Variants in ARFGEF1 observed in about 807,000 individuals in gnomAD.
ARFGEF1 encodes brefeldin A-inhibited guanine nucleotide-exchange protein 1.
Under a neutral mutation model 231.0 loss-of-function variants are expected in ARFGEF1, and 42 were observed. The ratio of observed to expected loss-of-function variants is 0.18; its 90% CI spans 0.14 to 0.24. ARFGEF1 has a LOEUF of 0.24. Ranked by LOEUF, ARFGEF1 falls within the 10% of genes least tolerant of loss-of-function variation. The pLI, the probability that ARFGEF1 is intolerant of heterozygous loss-of-function variation, is 1.00. For synonymous variants in ARFGEF1, 710 were observed against 732.3 expected, an observed-to-expected ratio of 0.97 and a Z score of 0.49; for missense variants, 1,345 against 2,192.0, an observed-to-expected ratio of 0.61 and a Z score of 7.72.
Position 67,240,302 on chromosome 8 carries a change from A to G in ARFGEF1, c.2851-12T>C, listed in dbSNP as rs746617227. On this transcript the variant is annotated splice_polypyrimidine_tract_variant and intron_variant, in intron 19 of 38. Transcript: ENST00000262215. ...GGCGTCCAAGCCAACTACAAAAATT[A>G]AAAATTGTATTTTAATTAAAGATTA... 1 of 1,586,540 alleles carries G rather than the reference A, an allele frequency of 6.3e-7. No homozygotes were observed. Among genetic ancestry groups the G allele is most frequent in the East Asian group, 2.3e-5 (1 of 44,312 alleles).
chr8:67,303,723 A>G (rs987963792), intron 1 of ARFGEF1, among the ~76,000 whole-genome samples: 1 of 151,900 alleles, frequency 6.6e-6, no homozygotes, highest in African/African-American at 2.4e-5. Context: ...CTTAAAAAAA[A>G]AAAAAAATAA....
At chr8:67,298,106 T>G (rs933775731) in intron 4 of ARFGEF1, among the ~76,000 whole-genome samples, 2 of 62,414 alleles carry the variant, frequency 3.2e-5, no homozygotes, top group Non-Finnish European at 6.0e-5. Context: ...ATGCCCAGTA[T>G]TTTTTTTTTT....
intron 14 of ARFGEF1, among the ~76,000 whole-genome samples, chr8:67,260,952 T>C (rs1804591474): frequency 6.6e-6 from 1 of 152,222 alleles, no homozygotes; most frequent in Admixed American, 6.5e-5. Context: ...AGTCACAACA[T>C]TACCTTAAGG....
At position 67,302,474 on chromosome 8, in the gene ARFGEF1, G is replaced by GA. The variant is rs751293148; in HGVS notation, c.125-9dup. On this transcript the variant is annotated splice_polypyrimidine_tract_variant and intron_variant, in intron 1 of 38. Transcript: ENST00000262215. ...TTTCCGCTTTTATTTCCTCTGAGGG[G>GA]AAAAAAAAAGAAGCATACATTAGAA... 5.1e-4 allele frequency: 784 copies of GA among 1,523,868 alleles called. No homozygotes were observed. The highest frequency in any genetic ancestry group is 1.3e-3 in the South Asian group (97 of 77,264). 94.4% of individuals were successfully genotyped at this position (1,523,868 alleles called of 1,614,324 possible).
At chr8:67,319,923 T>C (rs1250771207) in intron 1 of ARFGEF1, among the ~76,000 whole-genome samples, 1 of 151,626 alleles carries the variant, frequency 6.6e-6, no homozygotes, top group African/African-American at 2.4e-5. Context: ...CAAATAAACA[T>C]AAAAAAAGAT....
Position 67,227,952 on chromosome 8 carries a change from T to C in ARFGEF1, c.3591+11A>G, listed in dbSNP as rs772186599. ...TACAAATGTAAACAAACACCATAGT[T>C]ATTCAAATACCTTATTAAAATGATC... is the stretch of plus-strand genomic sequence containing the variant. On this transcript the variant is annotated intron_variant, in intron 25 of 38. Coordinates refer to ENST00000262215, the MANE Select transcript of ARFGEF1 (RefSeq NM_006421.5). 1.2e-5 allele frequency: 19 copies of C among 1,541,250 alleles called. No individual in the cohort carries two copies. Among genetic ancestry groups the C allele is most frequent in the Non-Finnish European group, 1.6e-5 (19 of 1,153,418 alleles).
intron 6 of ARFGEF1, 71 bp downstream of exon 6, chr8:67,291,773 TTTC>T: frequency 2.0e-6 from 3 of 1,519,528 alleles, no homozygotes; most frequent in South Asian, 1.3e-5. Flanking sequence ...CCTTTCAACA[TTTC>T]TTCATCAAAA....
chr8:67,285,679 G>A lies in ARFGEF1; in HGVS notation c.1027+2276C>T, dbSNP rs183271950. ...CAAATGATCCAACCCTACCACCAAC[G>A]GGGGTAACCTGTCATTATGTACCAA... On this transcript the variant is annotated intron_variant, in intron 7 of 38. Coordinates refer to ENST00000262215, the MANE Select transcript of ARFGEF1 (RefSeq NM_006421.5). 1.3e-4 allele frequency among the ~76,000 whole-genome samples: 20 copies of A among 152,210 alleles called. No homozygotes were observed. In the South Asian group the frequency reaches 2.3e-3, roughly 17 times the overall value.
At chr8:67,203,002 G>A (rs1838388118) in intron 36 of ARFGEF1, 81 bp downstream of exon 36, 2 of 1,415,780 alleles carry the variant, frequency 1.4e-6, no homozygotes, top group South Asian at 2.7e-5. Flanking sequence ...ATAGCAGACA[G>A]TCAATGAGTT....
At chr8:67,327,161 T>C (rs2128930748) in intron 1 of ARFGEF1, among the ~76,000 whole-genome samples, 1 of 152,314 alleles carries the variant, frequency 6.6e-6, no homozygotes, top group Non-Finnish European at 1.5e-5. Context: ...TTTATTTTTC[T>C]ACTTCAATAA....
At chr8:67,320,064 T>C (rs1028792813) in intron 1 of ARFGEF1, among the ~76,000 whole-genome samples, 87 of 151,486 alleles carry the variant, frequency 5.7e-4, no homozygotes, top group African/African-American at 2.0e-3. Context: ...CTACTAAAAA[T>C]ACAAAAATTA....
Position 67,303,645 on chromosome 8 carries a change from C to T in ARFGEF1, c.125-1179G>A, listed in dbSNP as rs1312948097. Among the ~76,000 whole-genome samples the T allele has an allele frequency of 2.6e-5, 4 of 151,398 alleles. No individual in the cohort carries two copies. In the East Asian group the frequency reaches 7.7e-4, roughly 29 times the overall value. On this transcript the variant is annotated intron_variant, in intron 1 of 38. Transcript: ENST00000262215. The stretch of plus-strand genomic sequence containing the variant: ...AGGAGAATCACTTGAACCTGGGAGG[C>T]GGAGGTTGCAGTGAGCCAAAATCAC...
At chr8:67,331,577 A>G (rs1365618949) in intron 1 of ARFGEF1, among the ~76,000 whole-genome samples, 2 of 152,224 alleles carry the variant, frequency 1.3e-5, no homozygotes, top group African/African-American at 4.8e-5. Context: ...CACCCAGTTT[A>G]CAGTATTCTG....
intron 1 of ARFGEF1, 61 bp downstream of exon 1, chr8:67,343,103 A>AGG: frequency 1.3e-5 from 2 of 153,692 alleles, no homozygotes; most frequent in Non-Finnish European, 1.2e-5. Context: ...ACCCCCCCAC[A>AGG]GGCGCCCCCC....
intron 34 of ARFGEF1, among the ~76,000 whole-genome samples, chr8:67,210,305 C>G (rs1838686530): frequency 6.6e-6 from 1 of 151,408 alleles, no homozygotes; most frequent in South Asian, 2.1e-4. Context: ...TGGCAAAACC[C>G]TGTCCCTACA....
chr8:67,186,987 ATC>A (rs1563788008), intron 5 of ARFGEF1, among the ~76,000 whole-genome samples: 1 of 148,048 alleles, frequency 6.8e-6, no homozygotes, highest in East Asian at 1.9e-4. Flanking sequence ...CTATCTATCT[ATC>A]TATCTATCTA....
intron 7 of ARFGEF1, among the ~76,000 whole-genome samples, chr8:67,287,020 A>C (rs980065200): frequency 2.0e-5 from 3 of 152,182 alleles, no homozygotes; most frequent in Admixed American, 6.5e-5. Flanking sequence ...TTAGGCTCAA[A>C]AACTGAAACA....
Position 67,331,586 on chromosome 8 carries a change from T to G in ARFGEF1, c.124+11578A>C, listed in dbSNP as rs533599278. On this transcript the variant is annotated intron_variant, in intron 1 of 38. Coordinates refer to ENST00000262215, the MANE Select transcript of ARFGEF1 (RefSeq NM_006421.5). Reference sequence around the variant, plus strand: ...ATAAGCCACCCAGTTTACAGTATTCTGTTATAGTAGCTTAAACAGACTAAG... The same window carrying G: ...ATAAGCCACCCAGTTTACAGTATTCGGTTATAGTAGCTTAAACAGACTAAG... Among the ~76,000 whole-genome samples, 6 of 152,342 alleles carry G rather than the reference T, an allele frequency of 3.9e-5. No homozygotes were observed. In the East Asian group the frequency reaches 1.2e-3, roughly 29 times the overall value.
intron 5 of ARFGEF1, among the ~76,000 whole-genome samples, chr8:67,183,811 A>T (rs1328614804): frequency 6.6e-6 from 1 of 151,450 alleles, no homozygotes; most frequent in African/African-American, 2.4e-5. Flanking sequence ...GAAAGAAATA[A>T]TTGATAAGCC....
Sources: gnomAD v4.1 joint callset for allele counts (sites outside exome capture counted in the v4.1 genomes callset) on GRCh38, gnomAD v4.1.1 for gene constraint, MANE v1.5 for transcripts, NCBI Gene and HGNC (gene_info 2026-07-23, HGNC 2026-07-21) for gene names.